Variants in PTPRD observed in about 807,000 individuals in gnomAD.
PTPRD encodes receptor-type tyrosine-protein phosphatase delta.
A neutral mutation model predicts 214.5 loss-of-function variants in PTPRD; 34 were observed. The ratio of observed to expected loss-of-function variants is 0.16; its 90% CI spans 0.12 to 0.21. The LOEUF is 0.21. PTPRD is among the 10% of genes least tolerant of loss of function. The pLI, the probability that PTPRD is intolerant of heterozygous loss-of-function variation, is 1.00. For missense variants in PTPRD, 2,545 were observed against 2,398.7 expected (o/e 1.06, Z -1.27); for synonymous variants, 1,128 against 845.7 (o/e 1.33, Z -5.79).
chr9:9,427,537 C>T (rs954381669), intron 8 of PTPRD, among the ~76,000 whole-genome samples: 1 of 103,436 alleles, frequency 9.7e-6, no homozygotes, highest in Non-Finnish European at 2.1e-5. Context: ...GGCAGGCCAA[C>T]ATTGAAATCA....
chr9:9,508,056 A>G (rs186029475), intron 8 of PTPRD, among the ~76,000 whole-genome samples: 1 of 151,708 alleles, frequency 6.6e-6, no homozygotes, highest in African/African-American at 2.4e-5. Context: ...AATTTATGTG[A>G]TATTTTAATA....
At chr9:9,161,274 A>G (rs1438791861) in intron 10 of PTPRD, among the ~76,000 whole-genome samples, 2 of 152,160 alleles carry the variant, frequency 1.3e-5, no homozygotes, top group Non-Finnish European at 2.9e-5. Context: ...GTATATGTAT[A>G]TCAAAACATC....
At chr9:8,899,673 C>T (rs2098650273) in intron 11 of PTPRD, among the ~76,000 whole-genome samples, 2 of 152,118 alleles carry the variant, frequency 1.3e-5, no homozygotes, top group South Asian at 4.2e-4. Context: ...GGAGTAGTTG[C>T]CTGGAACCCA....
chr9:9,824,136 G>A (rs554381570), intron 5 of PTPRD, among the ~76,000 whole-genome samples: 5 of 151,578 alleles, frequency 3.3e-5, no homozygotes, highest in African/African-American at 1.2e-4. Context: ...TTTTTGTTTA[G>A]ACCTGGACCC....
intron 5 of PTPRD, among the ~76,000 whole-genome samples, chr9:9,828,912 G>C (rs1273365302): frequency 6.6e-6 from 1 of 151,706 alleles, no homozygotes; most frequent in Non-Finnish European, 1.5e-5. Context: ...TGTTTCAATT[G>C]AAATTTTTGC....
rs2090355026 is a variant in PTPRD, at chr9:9,938,491, G to T, written c.-368+16C>A. 6.6e-6 allele frequency: 1 copy of T among 152,134 alleles called. No homozygotes were observed. The highest frequency in any genetic ancestry group is 6.5e-5 in the Admixed American group (1 of 15,272). The allele number at this position is 152,134 out of a possible 1,614,324, so 9.4% of individuals were successfully genotyped here. On this transcript the variant is annotated intron_variant, in intron 5 of 45. Transcript: ENST00000381196. ...GTGTCATGGGAAACTAGCATACCCA[G>T]TCATACTGAACTCACCTGGAGCCGA...
intron 7 of PTPRD, among the ~76,000 whole-genome samples, chr9:9,730,011 T>C (rs2098161231): frequency 6.6e-6 from 1 of 152,092 alleles, no homozygotes; most frequent in Non-Finnish European, 1.5e-5. Flanking sequence ...TTTAAATACA[T>C]AACATAACAA....
intron 9 of PTPRD, among the ~76,000 whole-genome samples, chr9:9,303,191 C>T (rs543842119): frequency 6.6e-6 from 1 of 152,078 alleles, no homozygotes; most frequent in African/African-American, 2.4e-5. Context: ...CTTTCTTTGC[C>T]TTCAGTCCAG....
chr9:10,100,594 T>G (rs757873399), intron 3 of PTPRD, among the ~76,000 whole-genome samples: 1 of 151,770 alleles, frequency 6.6e-6, no homozygotes, highest in African/African-American at 2.4e-5. Flanking sequence ...ATAGGAGTTT[T>G]ATTACTGTAA....
At chr9:9,575,071 G>A (rs529481979) in intron 7 of PTPRD, among the ~76,000 whole-genome samples, 34 of 152,022 alleles carry the variant, frequency 2.2e-4, no homozygotes, top group Non-Finnish European at 4.4e-4. Context: ...GATAACATTT[G>A]CAAGCTTAAT....
At chr9:9,599,468 T>C (rs935237268) in intron 7 of PTPRD, among the ~76,000 whole-genome samples, 2 of 152,194 alleles carry the variant, frequency 1.3e-5, no homozygotes, top group Non-Finnish European at 1.5e-5. Context: ...CTTCCTGGGC[T>C]GGGTGTGGAT....
In PTPRD at chr9:9,863,035, C is replaced by G. The variant is rs116833164; in HGVS notation, c.-368+75472G>C. Among the ~76,000 whole-genome samples the G allele has an allele frequency of 7.2e-3, 1,090 of 152,168 alleles. 9 individuals are homozygous for G. The highest frequency in any genetic ancestry group is 0.025 in the African/African-American group (1,030 of 41,490). On this transcript the variant is annotated intron_variant, in intron 5 of 45. Transcript: ENST00000381196. ...ATAGGAAAAAAAGCACTTTGTAGCTCTTTTTTGAGATTTTTTAAATTTTAC... is the reference window on the plus strand; with the variant it reads ...ATAGGAAAAAAAGCACTTTGTAGCTGTTTTTTGAGATTTTTTAAATTTTAC...
chr9:9,996,170 T>C (rs2096115364), intron 4 of PTPRD, among the ~76,000 whole-genome samples: 1 of 152,122 alleles, frequency 6.6e-6, no homozygotes, highest in African/African-American at 2.4e-5. Flanking sequence ...CAGAAATAAA[T>C]GAAGGACTGA....
chr9:10,168,189 A>G (rs2099170944), intron 3 of PTPRD, among the ~76,000 whole-genome samples: 1 of 152,256 alleles, frequency 6.6e-6, no homozygotes, highest in African/African-American at 2.4e-5. Context: ...GTCACAATAA[A>G]TCAAACATCT....
chr9:8,396,458 C>T (rs537160877), intron 36 of PTPRD, among the ~76,000 whole-genome samples: 45 of 152,058 alleles, frequency 3.0e-4, no homozygotes, highest in South Asian at 2.9e-3. Context: ...GGTTTATCTA[C>T]GGCCTCAGAG....
intron 9 of PTPRD, among the ~76,000 whole-genome samples, chr9:9,330,421 C>A (rs956056809): frequency 6.6e-6 from 1 of 152,010 alleles, no homozygotes; most frequent in Non-Finnish European, 1.5e-5. Context: ...AGTACAGTAA[C>A]CTTTGGGATT....
intron 9 of PTPRD, among the ~76,000 whole-genome samples, chr9:9,367,439 T>C (rs1376334095): frequency 1.3e-5 from 2 of 151,718 alleles, no homozygotes; most frequent in Non-Finnish European, 1.5e-5. Context: ...CCTACAATTA[T>C]ATTGTATTTA....
chr9:8,921,224 C>A (rs1350393939), intron 11 of PTPRD, among the ~76,000 whole-genome samples: 1 of 152,152 alleles, frequency 6.6e-6, no homozygotes. Flanking sequence ...AAAGTAGGAA[C>A]AGAACTATTA....
At chr9:10,323,466 G>T (rs1018166777) in intron 3 of PTPRD, among the ~76,000 whole-genome samples, 1 of 150,724 alleles carries the variant, frequency 6.6e-6, no homozygotes, top group Non-Finnish European at 1.5e-5. Context: ...GGCTAATTTT[G>T]TTTATTTATT....
Sources: allele counts gnomAD v4.1 joint callset (sites outside exome capture counted in the v4.1 genomes callset), GRCh38; gene constraint gnomAD v4.1.1; transcripts MANE v1.5; gene names NCBI Gene and HGNC (gene_info 2026-07-23, HGNC 2026-07-21).